GRIK5: variants seen among roughly 807,000 people sequenced by gnomAD.
The protein encoded by GRIK5 is glutamate receptor ionotropic, kainate 5.
A neutral mutation model predicts 97.4 loss-of-function variants in GRIK5; 43 were observed. That is an observed-to-expected ratio of 0.44 (90% CI 0.35 to 0.57). GRIK5 has a LOEUF of 0.57. GRIK5 is among the 20% of genes least tolerant of loss of function. The pLI, the probability that GRIK5 is intolerant of heterozygous loss-of-function variation, is 0.01. For missense variants in GRIK5, 1,015 were observed against 1,382.0 expected (o/e 0.73, Z 4.21); for synonymous variants, 580 against 583.5 (o/e 0.99, Z 0.09).
chr19:42,062,693 C>T lies in GRIK5; in HGVS notation c.343-40G>A, dbSNP rs2076275653. ...AACTTTGGCCTCCATCCTGCTTCTC[C>T]GCCCAGCCCTCGCCTCCCAGGGACC... On this transcript the variant is annotated intron_variant, in intron 4 of 19. Transcript: ENST00000593562. The surrounding 1 kb of genome is among the most constrained non-coding windows in gnomAD (Gnocchi z 5.3). 5 of 1,613,436 alleles carry T rather than the reference C, an allele frequency of 3.1e-6. No homozygotes were observed. Among genetic ancestry groups the T allele is most frequent in the East Asian group, 2.2e-5 (1 of 44,868 alleles).
intron 11 of GRIK5, among the ~76,000 whole-genome samples, chr19:42,051,661 C>T (rs2076118357): frequency 6.6e-6 from 1 of 152,206 alleles, no homozygotes; most frequent in African/African-American, 2.4e-5. Flanking sequence ...CACATCTTGC[C>T]CTAGGCACCC....
chr19:42,064,708 G>A (rs2076305880), intron 3 of GRIK5, among the ~76,000 whole-genome samples: 1 of 152,154 alleles, frequency 6.6e-6, no homozygotes, highest in African/African-American at 2.4e-5. Context: ...TCTCCCAAAG[G>A]TCTAACTCCA....
intron 12 of GRIK5, among the ~76,000 whole-genome samples, chr19:42,041,767 C>T (rs746956066): frequency 1.5e-4 from 23 of 152,162 alleles, no homozygotes; most frequent in South Asian, 6.2e-4. Flanking sequence ...TCCAAATACA[C>T]TCCCCTTCTC....
rs1196647598 is a variant in GRIK5 at position 42,042,620 on chromosome 19, C to T, written c.1405G>A (p.Asp469Asn). The change falls in exon 12 of 20, where the codon GAT (aspartate) becomes AAT (asparagine). Residue 469 changes from aspartate to asparagine, a missense_variant. By Grantham distance (23) the Asp-to-Asn change is conservative. Coordinates refer to ENST00000593562, the MANE Select transcript of GRIK5 (RefSeq NM_002088.5). The surrounding 1 kb of genome is among the most constrained non-coding windows in gnomAD (Gnocchi z 6.9). ...GGCTCGGGCGCCCCGTACAGCCCAT[C>T]CTCCACCAACCGCAGGCGGTAGCGG... ...RFRYRLRLVE[D>N]GLYGAPEPNG... The T allele has an allele frequency of 1.9e-6, 3 of 1,613,184 alleles. No homozygotes were observed. Among genetic ancestry groups the T allele is most frequent in the Non-Finnish European group, 1.7e-6 (2 of 1,179,968 alleles).
Position 42,053,662 on chromosome 19 carries a change from G to C in GRIK5, c.1209C>G (p.Thr403=), listed in dbSNP as rs774977267. The C allele has an allele frequency of 6.2e-7, 1 of 1,613,704 alleles. No homozygotes were observed. The highest frequency in any genetic ancestry group is 1.1e-5 in the South Asian group (1 of 91,074). The part of the protein sequence containing the change: ...SNRTLAMNAT[T]LDINLSQTLA... The stretch of plus-strand genomic sequence containing the variant: ...GTGTCTGCGACAGGTTGATGTCCAG[G>C]GTGGTGGCATTCATGGCCAGGGTGC... The change falls in exon 11 of 20, where the codon ACC becomes ACG. Residue 403 remains threonine, a synonymous_variant. Transcript: ENST00000593562.
In GRIK5 at chr19:42,065,636, C is replaced by A. The variant is rs913282428; in HGVS notation, c.79+56G>T. On this transcript the variant is annotated intron_variant, in intron 2 of 19. Transcript: ENST00000593562. The surrounding 1 kb of genome is among the most constrained non-coding windows in gnomAD (Gnocchi z 5.8). ...CCCTGACGGACTGGCATGCCTGGGT[C>A]CCCAGAGGAGCCCCAGGGCCTGAGG... is the stretch of plus-strand genomic sequence containing the variant. The A allele has an allele frequency of 6.4e-6, 9 of 1,406,326 alleles. No homozygotes were observed. In the Admixed American group the frequency reaches 1.8e-4, roughly 29 times the overall value. The allele number at this position is 1,406,326 out of a possible 1,614,324, so 87.1% of individuals were successfully genotyped here. A position where few individuals can be genotyped will look rare whatever the true frequency, so the allele number is the denominator to read the frequency against.
chr19:42,017,862 A>G (rs190077249), intron 15 of GRIK5, among the ~76,000 whole-genome samples: 1 of 152,262 alleles, frequency 6.6e-6, no homozygotes, highest in East Asian at 1.9e-4. Flanking sequence ...GTTGAGGACA[A>G]TGGCTGCAGA....
chr19:42,014,863 T>G (rs532403143), intron 15 of GRIK5, among the ~76,000 whole-genome samples: 4 of 152,270 alleles, frequency 2.6e-5, no homozygotes, highest in African/African-American at 9.6e-5. Context: ...GAAACCTGCC[T>G]GGGCAACAAA....
chr19:42,023,846 C>T (rs548416107), intron 12 of GRIK5, among the ~76,000 whole-genome samples: 3 of 152,316 alleles, frequency 2.0e-5, no homozygotes, highest in African/African-American at 7.2e-5. Flanking sequence ...CACTCATAAC[C>T]TCCCAGTCCA....
chr19:42,039,015 C>T (rs2075944630), intron 12 of GRIK5, among the ~76,000 whole-genome samples: 1 of 152,290 alleles, frequency 6.6e-6, no homozygotes, highest in East Asian at 1.9e-4. Flanking sequence ...ATCCCCCACC[C>T]TAGGCAGTCA....
At chr19:42,020,206 T>C (rs2075680721) in intron 15 of GRIK5, among the ~76,000 whole-genome samples, 1 of 152,226 alleles carries the variant, frequency 6.6e-6, no homozygotes, top group Non-Finnish European at 1.5e-5. Flanking sequence ...ATGCCTGCCA[T>C]ACCACAGTTA....
At chr19:42,007,065 A>G (rs1052372284) in intron 15 of GRIK5, among the ~76,000 whole-genome samples, 1 of 152,162 alleles carries the variant, frequency 6.6e-6, no homozygotes, top group Non-Finnish European at 1.5e-5. Context: ...ATAAACAGCT[A>G]AAGAGCTGGA....
At chr19:42,009,567 C>T (rs1228619052) in intron 15 of GRIK5, among the ~76,000 whole-genome samples, 6 of 151,398 alleles carry the variant, frequency 4.0e-5, no homozygotes, top group African/African-American at 1.5e-4. Context: ...CAGGAGTTTG[C>T]GACCAGCCTG....
intron 8 of GRIK5, among the ~76,000 whole-genome samples, 185 bp from the exon 9 acceptor site, chr19:42,054,657 C>A (rs888154218): frequency 6.6e-6 from 1 of 150,814 alleles, no homozygotes; most frequent in Non-Finnish European, 1.5e-5. Context: ...GAATTGACAG[C>A]GGGGAAGGTG....
At chr19:42,019,118 G>T (rs573061332) in intron 15 of GRIK5, among the ~76,000 whole-genome samples, 1 of 152,246 alleles carries the variant, frequency 6.6e-6, no homozygotes, top group East Asian at 1.9e-4. Flanking sequence ...TGACTCTCAG[G>T]AAGAGGGCCC....
At chr19:42,067,606 G>A (rs916817362) in intron 1 of GRIK5, among the ~76,000 whole-genome samples, 3 of 152,134 alleles carry the variant, frequency 2.0e-5, no homozygotes, top group Non-Finnish European at 4.4e-5. Context: ...AAATCAGGGA[G>A]CAGAGGACAA....
chr19:42,005,796 C>T lies in GRIK5; in HGVS notation c.2190G>A (p.Arg730=). The T allele has an allele frequency of 6.2e-7, 1 of 1,614,122 alleles. No individual in the cohort carries two copies. The highest frequency in any genetic ancestry group is 8.5e-7 in the Non-Finnish European group (1 of 1,179,980). The part of the protein sequence containing the change: ...LLESTMNEYH[R]RLNCNLTQIG... ...TCTGGGTGAGGTTGCAGTTGAGGCG[C>T]CGGTGGTATTCGTTCATGGTGGACT... The change falls in exon 17 of 20, where the codon CGG becomes CGA. Residue 730 remains arginine, a synonymous_variant. Transcript: ENST00000593562.
chr19:42,016,791 G>A (rs1356361698), intron 15 of GRIK5, among the ~76,000 whole-genome samples: 1 of 152,208 alleles, frequency 6.6e-6, no homozygotes, highest in Non-Finnish European at 1.5e-5. Context: ...CTGGCAGGGA[G>A]GGCACCCTGG....
At chr19:42,013,350 AAAAAAT>A (rs1346698806) in intron 15 of GRIK5, among the ~76,000 whole-genome samples, 1 of 151,862 alleles carries the variant, frequency 6.6e-6, no homozygotes, top group Non-Finnish European at 1.5e-5. Context: ...CCTGTCTTTA[AAAAAAT>A]AAAAATAAAG....
Sources: gnomAD v4.1 joint callset for allele counts (sites outside exome capture counted in the v4.1 genomes callset) on GRCh38, gnomAD v4.1.1 for gene constraint, Gnocchi (gnomAD v3.1) non-coding constraint, MANE v1.5 for transcripts, NCBI Gene and HGNC (gene_info 2026-07-23, HGNC 2026-07-21) for gene names.